TRRAP: variants seen among roughly 807,000 people sequenced by gnomAD.
TRRAP encodes the protein transformation/transcription domain associated protein.
In TRRAP, 41 loss-of-function variants were observed where a neutral mutation model predicts 438.8. That is an observed-to-expected ratio of 0.09 (90% confidence interval 0.07 to 0.12). The LOEUF (loss-of-function observed/expected upper bound fraction) is 0.12. TRRAP is among the 10% of genes least tolerant of loss of function. The probability of loss-of-function intolerance (pLI) is 1.00; values close to 1 mark genes in which losing one functional copy is unlikely to be tolerated. For synonymous variants in TRRAP, 1,994 were observed against 1,962.9 expected (o/e 1.02, Z -0.42); for missense variants, 3,122 against 5,055.1 (o/e 0.62, Z 11.60).
rs1789436765 is a variant in TRRAP at position 98,914,699 on chromosome 7, AC to A, written c.2200-1023del. On this transcript the variant is annotated intron_variant, in intron 18 of 72. Transcript: ENST00000456197. ...CACTGACTATACTCCAGCCTGGGAG[AC>A]AGAGTGAGACCCTGTCTCAAAAAAA... Among the ~76,000 whole-genome samples, 3 of 125,654 alleles carry A rather than the reference AC, an allele frequency of 2.4e-5. No individual in the cohort carries two copies. In the South Asian group the frequency reaches 8.9e-4, roughly 37 times the overall value. 82.4% of individuals were successfully genotyped at this position (125,654 alleles called of 152,430 possible).
intron 20 of TRRAP, among the ~76,000 whole-genome samples, chr7:98,918,227 C>CTTTTTTTTTTTTT: frequency 1.2e-5 from 1 of 83,206 alleles, no homozygotes; most frequent in Non-Finnish European, 2.5e-5. Flanking sequence ...GGGTTATATT[C>CTTTTTTTTTTTTT]TTTTTTTTTT....
chr7:98,899,324 TTC>T (rs1370170881), intron 8 of TRRAP, 96 bp from the exon 9 acceptor site: 11 of 961,988 alleles, frequency 1.1e-5, no homozygotes, highest in African/African-American at 4.9e-5. Flanking sequence ...CTGTTTTCCG[TTC>T]TCTCTCTTTC....
intron 10 of TRRAP, among the ~76,000 whole-genome samples, chr7:98,900,031 A>G (rs1271749915): frequency 6.6e-6 from 1 of 152,208 alleles, no homozygotes; most frequent in Admixed American, 6.5e-5. Context: ...AATGACAGCT[A>G]TGGCATGTCC....
At chr7:98,950,631 G>T (rs1487456955) in intron 38 of TRRAP, among the ~76,000 whole-genome samples, 1 of 152,198 alleles carries the variant, frequency 6.6e-6, no homozygotes, top group African/African-American at 2.4e-5. Context: ...TTTGTTAATT[G>T]CCTTGTTTTT....
chr7:98,995,650 C>T (rs914929216), intron 67 of TRRAP, among the ~76,000 whole-genome samples: 28 of 148,212 alleles, frequency 1.9e-4, no homozygotes, highest in Non-Finnish European at 3.4e-4. Context: ...CACAGTATCC[C>T]CCCCCCACCA....
intron 67 of TRRAP, among the ~76,000 whole-genome samples, chr7:98,997,830 G>T (rs1793743230): frequency 6.6e-6 from 1 of 152,194 alleles, no homozygotes; most frequent in Admixed American, 6.5e-5. Context: ...AATTCTTCCT[G>T]AGTCATTATC....
At position 98,918,494 on chromosome 7, in the gene TRRAP, C is replaced by T. The variant is rs544233399; in HGVS notation, c.2622+815C>T. Among the ~76,000 whole-genome samples, 26 of 151,738 alleles carry T rather than the reference C, an allele frequency of 1.7e-4. No individual in the cohort carries two copies. In the South Asian group the frequency reaches 5.5e-3, roughly 32 times the overall value. ...CCGCCCACCTCAGCCTCCCAAAGTG[C>T]TGGGATTACAGCCGCGAGTCACCGT... On this transcript the variant is annotated intron_variant, in intron 20 of 72. Transcript: ENST00000456197.
chr7:98,945,684 T>C, intron 31 of TRRAP, 63 bp from the exon 32 acceptor site: 1 of 1,576,950 alleles, frequency 6.3e-7, no homozygotes, highest in South Asian at 1.1e-5. Context: ...TGTTTGAGTA[T>C]GTGGGAAGTT....
In TRRAP at chr7:98,908,367, A is replaced by G. The variant is rs577184484; in HGVS notation, c.1116-361A>G. Among the ~76,000 whole-genome samples, 1 of 152,338 alleles carries G rather than the reference A, an allele frequency of 6.6e-6. No homozygotes were observed. The highest frequency in any genetic ancestry group is 2.4e-5 in the African/African-American group (1 of 41,590). ...CTTACTGTGTCTCTGTAAAGTGGTC[A>G]TCATATATAAAGATTGATTGACCCG... is the stretch of plus-strand genomic sequence containing the variant. On this transcript the variant is annotated intron_variant, in intron 13 of 72. Transcript: ENST00000456197. The surrounding 1 kb of genome is among the most constrained non-coding windows in gnomAD (Gnocchi z 4.1).
chr7:98,899,472 G>C lies in TRRAP; in HGVS notation c.684G>C (p.Leu228Phe). The C allele has an allele frequency of 1.9e-6, 3 of 1,614,128 alleles. No individual in the cohort carries two copies. Among genetic ancestry groups the C allele is most frequent in the Non-Finnish European group, 2.5e-6 (3 of 1,180,016 alleles). Residue 228 changes from leucine to phenylalanine, a missense_variant, in exon 9 of 73, where the codon TTG becomes TTC. By Grantham distance (22) the Leu-to-Phe change is conservative. This residue lies in a region of TRRAP where 343 missense variants were observed against 564.0 expected (regional missense o/e 0.61). Coordinates refer to ENST00000456197, the MANE Select transcript of TRRAP (RefSeq NM_001375524.1). ...TTTCTCTGAAAGTGTTGGCAGAATT[G>C]CCCATTATTGTTGTTTTAATGTATC... ...GSLSLKVLAE[L>F]PIIVVLMYQL...
intron 3 of TRRAP, among the ~76,000 whole-genome samples, chr7:98,888,568 T>G (rs1477931799): frequency 6.6e-6 from 1 of 152,186 alleles, no homozygotes; most frequent in Admixed American, 6.5e-5. Context: ...CTCCTTTCTC[T>G]TATGCTTCCT....
chr7:98,979,016 C>A, intron 58 of TRRAP, 112 bp downstream of exon 58: 1 of 1,392,984 alleles, frequency 7.2e-7, no homozygotes, highest in Non-Finnish European at 9.7e-7. Flanking sequence ...GGAAAGACAG[C>A]TTTTGGGAAG....
rs568498834 is a variant in TRRAP at position 98,944,725 on chromosome 7, C to G, written c.4474-1022C>G. ...AGTTAGTTCCTGTTTGGTGGAATCC[C>G]CAAATGACAGTGTTCCGTTGAGACA... On this transcript the variant is annotated intron_variant, in intron 31 of 72. Coordinates refer to ENST00000456197, the MANE Select transcript of TRRAP (RefSeq NM_001375524.1). Among the ~76,000 whole-genome samples the G allele has an allele frequency of 2.6e-5, 4 of 152,308 alleles. No individual in the cohort carries two copies. In the South Asian group the frequency reaches 8.3e-4, roughly 32 times the overall value.
intron 20 of TRRAP, among the ~76,000 whole-genome samples, chr7:98,918,470 C>T (rs992586446): frequency 6.6e-6 from 1 of 151,642 alleles, no homozygotes; most frequent in African/African-American, 2.4e-5. Flanking sequence ...CCTCATGATC[C>T]GCCCACCTCA....
chr7:98,892,338 G>A lies in TRRAP; in HGVS notation c.262-86G>A. Reference sequence around the variant, plus strand: ...TTCCTAGTGCTGGGTGTAAACAGCTGTGTGACACTTGCAGAGTGTGAGATA... The same window carrying A: ...TTCCTAGTGCTGGGTGTAAACAGCTATGTGACACTTGCAGAGTGTGAGATA... On this transcript the variant is annotated intron_variant, in intron 4 of 72. Transcript: ENST00000456197. 3.6e-6 allele frequency: 4 copies of A among 1,123,316 alleles called. No homozygotes were observed. The South Asian group carries it at 3.9e-5, about 11-fold the overall frequency. The allele number at this position is 1,123,316 out of a possible 1,614,324, so 69.6% of individuals were successfully genotyped here.
In TRRAP at chr7:98,935,632, T is replaced by C. The variant is rs782693677; in HGVS notation, c.4068T>C (p.Tyr1356=). 90 of 1,605,984 alleles carry C rather than the reference T, an allele frequency of 5.6e-5. No individual in the cohort carries two copies. Among genetic ancestry groups the C allele is most frequent in the Middle Eastern group, 3.3e-4 (2 of 6,028 alleles). The part of the protein sequence containing the change: ...EDSALTKLPC[Y]KSLPSLVPLR... ...CAGCTTTAACAAAGCTGCCCTGTTATAAAAGCCTTCCGTCACTCGTACCTT... is the reference window on the plus strand; with the variant it reads ...CAGCTTTAACAAAGCTGCCCTGTTACAAAAGCCTTCCGTCACTCGTACCTT... Residue 1356 remains tyrosine (Y), a synonymous_variant, in exon 28 of 73, where the codon TAT becomes TAC. Transcript: ENST00000456197.
At chr7:98,905,251 A>G (rs1346912200) in intron 12 of TRRAP, among the ~76,000 whole-genome samples, 2 of 151,946 alleles carry the variant, frequency 1.3e-5, no homozygotes, top group Admixed American at 1.3e-4. Flanking sequence ...GGCTGTTTCC[A>G]TTTGGCTGTT....
intron 70 of TRRAP, among the ~76,000 whole-genome samples, chr7:99,009,553 A>G (rs1410814476): frequency 6.6e-6 from 1 of 152,200 alleles, no homozygotes; most frequent in African/African-American, 2.4e-5. Context: ...TTGGGAATTG[A>G]CACCAGGGCT....
intron 33 of TRRAP, among the ~76,000 whole-genome samples, chr7:98,946,409 C>T (rs1226824700): frequency 1.1e-4 from 16 of 152,160 alleles, no homozygotes; most frequent in East Asian, 1.9e-4. Context: ...CTCCCTCTTG[C>T]GTGCACACAC....
Sources: allele counts gnomAD v4.1 joint callset (sites outside exome capture counted in the v4.1 genomes callset), GRCh38; gene constraint gnomAD v4.1.1; regional missense constraint gnomAD v4.1.1; non-coding constraint Gnocchi (gnomAD v3.1); transcripts MANE v1.5; gene names NCBI Gene and HGNC (gene_info 2026-07-23, HGNC 2026-07-21).